Variants in DNAJC5B observed in about 807,000 individuals in gnomAD.
DNAJC5B encodes dnaJ homolog subfamily C member 5B.
In DNAJC5B, 23 loss-of-function variants were observed where a neutral mutation model predicts 24.7. That is an observed-to-expected ratio of 0.93 (90% CI 0.67 to 1.32). The LOEUF (loss-of-function observed/expected upper bound fraction) is 1.32. DNAJC5B is among the 40% of genes most tolerant of loss of function. DNAJC5B has a pLI of 0.00. For missense variants in DNAJC5B, 238 were observed against 240.8 expected, an observed-to-expected ratio of 0.99 and a Z score of 0.08; for synonymous variants, 101 against 90.1, an observed-to-expected ratio of 1.12 and a Z score of -0.68.
chr8:66,041,672 A>T (rs1222803616), intron 1 of DNAJC5B, among the ~76,000 whole-genome samples: 1 of 152,242 alleles, frequency 6.6e-6, no homozygotes, highest in Non-Finnish European at 1.5e-5. Context: ...TGCTTTTACA[A>T]TACATTTAGT....
chr8:66,076,943 T>C, intron 4 of DNAJC5B, 70 bp downstream of exon 4: 3 of 1,550,890 alleles, frequency 1.9e-6, no homozygotes, highest in South Asian at 2.3e-5. Context: ...TTAGATTCCA[T>C]CTCAAAGGAA....
chr8:66,039,346 C>CTTTT (rs59355860), intron 1 of DNAJC5B, among the ~76,000 whole-genome samples: 1 of 130,612 alleles, frequency 7.7e-6, no homozygotes, highest in Admixed American at 7.9e-5. Context: ...CCACTTCATA[C>CTTTT]TTTTTTTTTT....
chr8:66,071,369 C>A (rs1175317980), intron 3 of DNAJC5B, among the ~76,000 whole-genome samples: 2 of 152,134 alleles, frequency 1.3e-5, no homozygotes, highest in Admixed American at 1.3e-4. Context: ...AAACAAACAA[C>A]CCCATCAAAA....
intron 1 of DNAJC5B, among the ~76,000 whole-genome samples, chr8:66,035,216 T>C (rs1481508023): frequency 6.6e-6 from 1 of 152,206 alleles, no homozygotes; most frequent in East Asian, 1.9e-4. Flanking sequence ...AATCTAGTTA[T>C]TAAATATTTC....
At chr8:66,060,784 GC>G (rs1383293722) in intron 3 of DNAJC5B, among the ~76,000 whole-genome samples, 1 of 152,180 alleles carries the variant, frequency 6.6e-6, no homozygotes, top group African/African-American at 2.4e-5. Context: ...ACTATCAATG[GC>G]TTTATACCAG....
chr8:66,063,624 C>T (rs980446462), intron 3 of DNAJC5B, among the ~76,000 whole-genome samples: 8 of 152,292 alleles, frequency 5.3e-5, no homozygotes, highest in African/African-American at 1.4e-4. Flanking sequence ...TTCACTTGAT[C>T]GAACCTCTTA....
Position 66,076,780 on chromosome 8 carries a change from C to G in DNAJC5B, c.240C>G (p.Tyr80Ter), listed in dbSNP as rs950676812. ...CCGACATTTCAAAGAGAAGCATATA[C>G]GACAAGTACGGATCGCTGGGACTCT... The part of the protein sequence containing the change: ...ILTDISKRSI[Y>*]DKYGSLGLYV... The change falls in exon 4 of 6, where the codon TAC becomes TAG. Residue 80 changes from tyrosine to a stop codon, truncating the protein, a stop_gained. Coordinates refer to ENST00000276570, the MANE Select transcript of DNAJC5B (RefSeq NM_033105.6). LOFTEE classifies it high-confidence loss of function. 1.2e-6 allele frequency: 2 copies of G among 1,614,050 alleles called. No homozygotes were observed. The highest frequency in any genetic ancestry group is 1.7e-6 in the Non-Finnish European group (2 of 1,180,030).
intron 1 of DNAJC5B, among the ~76,000 whole-genome samples, chr8:66,036,759 T>G (rs1287865543): frequency 2.0e-5 from 3 of 152,228 alleles, no homozygotes; most frequent in Non-Finnish European, 4.4e-5. Context: ...TTTTTTCTTT[T>G]TAATTTAAGA....
intron 4 of DNAJC5B, among the ~76,000 whole-genome samples, chr8:66,077,351 A>C (rs1383768171): frequency 6.6e-6 from 1 of 152,170 alleles, no homozygotes; most frequent in Non-Finnish European, 1.5e-5. Flanking sequence ...ATTAGGGGGA[A>C]AAGGTGAGAA....
chr8:66,040,061 T>G (rs1463142100), intron 1 of DNAJC5B, among the ~76,000 whole-genome samples: 1 of 152,330 alleles, frequency 6.6e-6, no homozygotes, highest in African/African-American at 2.4e-5. Flanking sequence ...TGGGTTTATA[T>G]TTTATGATGA....
chr8:66,053,716 G>A (rs1188434860), intron 3 of DNAJC5B, among the ~76,000 whole-genome samples: 1 of 149,896 alleles, frequency 6.7e-6, no homozygotes, highest in Non-Finnish European at 1.5e-5. Context: ...CGCAACCTCC[G>A]CCTCCCAGGT....
At position 66,027,311 on chromosome 8, in the gene DNAJC5B, A is replaced by T. The variant is rs968645239; in HGVS notation, c.-142+5606A>T. 2.0e-5 allele frequency among the ~76,000 whole-genome samples: 3 copies of T among 152,204 alleles called. No homozygotes were observed. In the East Asian group the frequency reaches 5.8e-4, roughly 29 times the overall value. ...CCTCTTCCATAGACATCTTCCTCCA[A>T]TATGACAAGTACACAATCTGGCCAC... is the stretch of plus-strand genomic sequence containing the variant. On this transcript the variant is annotated intron_variant, in intron 1 of 5. Coordinates refer to ENST00000276570, the MANE Select transcript of DNAJC5B (RefSeq NM_033105.6).
chr8:66,026,312 G>A (rs964342394), intron 1 of DNAJC5B, among the ~76,000 whole-genome samples: 1 of 151,988 alleles, frequency 6.6e-6, no homozygotes, highest in African/African-American at 2.4e-5. Context: ...ATCAGCTTAA[G>A]GAGATTTTGG....
chr8:66,028,673 G>C (rs1246486162), intron 1 of DNAJC5B, among the ~76,000 whole-genome samples: 1 of 152,042 alleles, frequency 6.6e-6, no homozygotes, highest in African/African-American at 2.4e-5. Context: ...TTGAGCCTAG[G>C]GGGTTGGATC....
At chr8:66,076,896 C>T in intron 4 of DNAJC5B, 23 bp downstream of exon 4, 1 of 1,612,222 alleles carries the variant, frequency 6.2e-7, no homozygotes, top group Non-Finnish European at 8.5e-7. Context: ...TTCCTTTCTT[C>T]ACAATCTCCT....
intron 1 of DNAJC5B, among the ~76,000 whole-genome samples, chr8:66,036,612 T>G (rs1047135574): frequency 6.6e-6 from 1 of 152,120 alleles, no homozygotes; most frequent in Non-Finnish European, 1.5e-5. Flanking sequence ...AAATCAAGGT[T>G]GATTTGGGGT....
chr8:66,090,599 T>A lies in DNAJC5B; in HGVS notation c.506-9338T>A, dbSNP rs563374186. Among the ~76,000 whole-genome samples the A allele has an allele frequency of 1.2e-4, 18 of 152,250 alleles. No individual in the cohort carries two copies. The South Asian group carries it at 2.1e-3, about 18-fold the overall frequency. On this transcript the variant is annotated intron_variant, in intron 5 of 5. Transcript: ENST00000276570. ...TGCATAGAAAAATCTGTTGACTGCT[T>A]AACTGTTCTTGCCACTCACCTGGAT...
At chr8:66,079,553 A>G (rs1426697494) in intron 4 of DNAJC5B, among the ~76,000 whole-genome samples, 2 of 152,234 alleles carry the variant, frequency 1.3e-5, no homozygotes, top group Non-Finnish European at 2.9e-5. Context: ...ACGTCCAGAC[A>G]GATGAATCCA....
At chr8:66,054,302 T>C (rs1806916963) in intron 3 of DNAJC5B, among the ~76,000 whole-genome samples, 1 of 152,234 alleles carries the variant, frequency 6.6e-6, no homozygotes, top group African/African-American at 2.4e-5. Context: ...GCAAATTTGT[T>C]AGTCATTTAT....
Sources: gnomAD v4.1 joint callset for allele counts (sites outside exome capture counted in the v4.1 genomes callset) on GRCh38, gnomAD v4.1.1 for gene constraint, MANE v1.5 for transcripts, NCBI Gene and HGNC (gene_info 2026-07-23, HGNC 2026-07-21) for gene names.